TBC1D32: variants seen among roughly 807,000 people sequenced by gnomAD.
TBC1D32 encodes the protein TBC1 domain family member 32, also known as protein broad-minded.
A neutral mutation model predicts 170.3 loss-of-function variants in TBC1D32; 151 were observed. The ratio of observed to expected loss-of-function variants is 0.89; its 90% confidence interval spans 0.78 to 1.01. The LOEUF (loss-of-function observed/expected upper bound fraction) is 1.01, where lower values mean the gene tolerates loss of function less well. TBC1D32 is among the 50% of genes least tolerant of loss of function. TBC1D32 has a pLI of 0.00. For synonymous variants in TBC1D32, 498 were observed against 488.0 expected, an observed-to-expected ratio of 1.02 and a Z score of -0.27; for missense variants, 1,464 against 1,457.1, an observed-to-expected ratio of 1.00 and a Z score of -0.08.
At chr6:121,314,517 A>G (rs949605742) in intron 3 of TBC1D32, among the ~76,000 whole-genome samples, 1 of 152,142 alleles carries the variant, frequency 6.6e-6, no homozygotes, top group African/African-American at 2.4e-5. Flanking sequence ...TGCTTTAAAC[A>G]TGTTTGTGTC....
At chr6:121,175,701 T>C (rs1787670875) in intron 22 of TBC1D32, among the ~76,000 whole-genome samples, 1 of 152,180 alleles carries the variant, frequency 6.6e-6, no homozygotes, top group Non-Finnish European at 1.5e-5. Flanking sequence ...GTTACCTCTT[T>C]AATTTGATTT....
intron 21 of TBC1D32, among the ~76,000 whole-genome samples, chr6:121,210,302 C>A (rs1214966791): frequency 6.6e-6 from 1 of 152,136 alleles, no homozygotes; most frequent in East Asian, 1.9e-4. Context: ...ATGTTCTGTT[C>A]AGATGAAAAA....
intron 17 of TBC1D32, among the ~76,000 whole-genome samples, chr6:121,246,009 T>A (rs1196623356): frequency 6.6e-6 from 1 of 152,150 alleles, no homozygotes; most frequent in Non-Finnish European, 1.5e-5. Flanking sequence ...TGACCACTAT[T>A]GGGTATTACA....
intron 13 of TBC1D32, among the ~76,000 whole-genome samples, chr6:121,282,864 C>A (rs1208344566): frequency 6.6e-6 from 1 of 151,792 alleles, no homozygotes; most frequent in East Asian, 1.9e-4. Context: ...TAAGCTAGTT[C>A]TTTATACATG....
intron 24 of TBC1D32, among the ~76,000 whole-genome samples, chr6:121,156,205 T>C (rs1194825273): frequency 6.6e-6 from 1 of 151,918 alleles, no homozygotes; most frequent in African/African-American, 2.4e-5. Flanking sequence ...GTTATTGGTA[T>C]GTTCAGAATT....
Position 121,231,300 on chromosome 6 carries a change from C to T in TBC1D32, c.2364+7770G>A, listed in dbSNP as rs146604356. ...AGTAGTATTCCATGGTATACATATACCGTATTTTCTTTACTCATTGATTGA... is the reference window on the plus strand; with the variant it reads ...AGTAGTATTCCATGGTATACATATATCGTATTTTCTTTACTCATTGATTGA... On this transcript the variant is annotated intron_variant, in intron 20 of 31. Transcript: ENST00000398212. 8.8e-3 allele frequency among the ~76,000 whole-genome samples: 1,335 copies of T among 152,176 alleles called. 21 individuals are homozygous for T. The highest frequency in any genetic ancestry group is 0.03 in the African/African-American group (1,250 of 41,526).
chr6:121,300,662 T>C (rs1315750275), intron 9 of TBC1D32, among the ~76,000 whole-genome samples: 1 of 151,898 alleles, frequency 6.6e-6, no homozygotes, highest in Non-Finnish European at 1.5e-5. Context: ...CCAAAAGCAA[T>C]GACAACAAAA....
At chr6:121,231,654 G>C (rs1193230495) in intron 20 of TBC1D32, among the ~76,000 whole-genome samples, 1 of 151,846 alleles carries the variant, frequency 6.6e-6, no homozygotes, top group South Asian at 2.1e-4. Flanking sequence ...GTTTTGATAT[G>C]GATTTCCCTA....
In TBC1D32 at chr6:121,300,206, G is replaced by A. The variant is rs1806253860; in HGVS notation, c.1081-701C>T. Among the ~76,000 whole-genome samples, 3 of 152,126 alleles carry A rather than the reference G, an allele frequency of 2.0e-5. No individual in the cohort carries two copies. The East Asian group carries it at 5.8e-4, about 29-fold the overall frequency. ...CACCTGTAATCCCAGCACTTTGAGA[G>A]GATGAGGCGGGCAAATCACGAGGTC... On this transcript the variant is annotated intron_variant, in intron 9 of 31. Coordinates refer to ENST00000398212, the MANE Select transcript of TBC1D32 (RefSeq NM_152730.6).
chr6:121,273,350 T>G (rs1011703511), intron 15 of TBC1D32, among the ~76,000 whole-genome samples: 12 of 151,636 alleles, frequency 7.9e-5, no homozygotes, highest in African/African-American at 2.9e-4. Context: ...GGGACATGGA[T>G]GAAGCTGGAA....
chr6:121,238,614 T>C (rs1796594107), intron 20 of TBC1D32, among the ~76,000 whole-genome samples: 1 of 152,126 alleles, frequency 6.6e-6, no homozygotes, highest in African/African-American at 2.4e-5. Context: ...ATTTTAAAAA[T>C]TTTGTGACCT....
chr6:121,084,699 A>C lies in TBC1D32; in HGVS notation c.3655-3809T>G, dbSNP rs538308441. On this transcript the variant is annotated intron_variant, in intron 31 of 31. Transcript: ENST00000398212. ...AATACTGAAGATACTAATTTTTAGCAGAAATTTGTTTAGAACTCCTGCAAG... is the reference window on the plus strand; with the variant it reads ...AATACTGAAGATACTAATTTTTAGCCGAAATTTGTTTAGAACTCCTGCAAG... 1.1e-4 allele frequency among the ~76,000 whole-genome samples: 17 copies of C among 152,300 alleles called. No homozygotes were observed. The East Asian group carries it at 3.1e-3, about 28-fold the overall frequency.
chr6:121,312,996 C>T (rs1808429230), intron 3 of TBC1D32, among the ~76,000 whole-genome samples: 1 of 152,162 alleles, frequency 6.6e-6, no homozygotes, highest in Non-Finnish European at 1.5e-5. Context: ...TCCAAGAACT[C>T]CCTCTTGGGT....
chr6:121,283,138 T>C (rs113167037), intron 13 of TBC1D32, among the ~76,000 whole-genome samples: 1 of 151,730 alleles, frequency 6.6e-6, no homozygotes, highest in Non-Finnish European at 1.5e-5. Flanking sequence ...CCCAAACCAT[T>C]TTTTTCTTTG....
chr6:121,257,669 C>T (rs4946556), intron 15 of TBC1D32, among the ~76,000 whole-genome samples: 4,995 of 152,100 alleles, frequency 0.033, 194 homozygotes, highest in East Asian at 0.12. Context: ...AGCAGGTAAC[C>T]GATAAAGTGT....
chr6:121,215,410 C>T (rs1020498950), intron 21 of TBC1D32, among the ~76,000 whole-genome samples: 2 of 152,232 alleles, frequency 1.3e-5, no homozygotes, highest in African/African-American at 4.8e-5. Context: ...CACAATGAAG[C>T]TGGCATCATG....
intron 21 of TBC1D32, among the ~76,000 whole-genome samples, chr6:121,221,537 C>T (rs1794519807): frequency 6.6e-6 from 1 of 152,166 alleles, no homozygotes; most frequent in South Asian, 2.1e-4. Context: ...CATTAAGATG[C>T]CACATCTGTG....
Position 121,272,247 on chromosome 6 carries a change from A to T in TBC1D32, c.1733+6874T>A, listed in dbSNP as rs748315022. On this transcript the variant is annotated intron_variant, in intron 15 of 31. Transcript: ENST00000398212. ...AAAAGCAATGGCAACAAAAGCCAAA[A>T]TTGACAAATGGGATCTAACTAAACT... 3.9e-5 allele frequency among the ~76,000 whole-genome samples: 6 copies of T among 152,308 alleles called. No individual in the cohort carries two copies. In the Middle Eastern group the frequency reaches 0.014, roughly 345 times the overall value.
At chr6:121,135,993 CA>C (rs1255713607) in intron 24 of TBC1D32, among the ~76,000 whole-genome samples, 1 of 152,060 alleles carries the variant, frequency 6.6e-6, no homozygotes, top group East Asian at 1.9e-4. Flanking sequence ...CAAAATTTAG[CA>C]CTCAATGTAA....
Sources: gnomAD v4.1 joint callset for allele counts (sites outside exome capture counted in the v4.1 genomes callset) on GRCh38, gnomAD v4.1.1 for gene constraint, MANE v1.5 for transcripts, NCBI Gene and HGNC (gene_info 2026-07-23, HGNC 2026-07-21) for gene names.